The following TATDN1 variants were observed in gnomAD, a reference collection of about 807,000 sequenced individuals.
TATDN1 encodes deoxyribonuclease TATDN1.
In TATDN1, 40 loss-of-function variants were observed where a neutral mutation model predicts 46.4. That is an observed-to-expected ratio of 0.86 (90% confidence interval 0.67 to 1.12). TATDN1 has a LOEUF of 1.12. Among genes scored for constraint, TATDN1 ranks in the 50% most tolerant of loss-of-function variants. The probability of loss-of-function intolerance (pLI) is 0.00; values close to 1 mark genes in which losing one functional copy is unlikely to be tolerated. For synonymous variants in TATDN1, 95 were observed against 105.6 expected (o/e 0.90, Z 0.62); for missense variants, 326 against 348.4 (o/e 0.94, Z 0.51).
At chr8:124,525,459 T>C (rs1239626176) in intron 1 of TATDN1, among the ~76,000 whole-genome samples, 1 of 152,098 alleles carries the variant, frequency 6.6e-6, no homozygotes, top group African/African-American at 2.4e-5. Context: ...TCTTAGTAAA[T>C]TCTTGTACCC....
At chr8:124,491,750 T>G (rs1563639662) in intron 11 of TATDN1, 1 of 152,170 alleles carries the variant, frequency 6.6e-6, no homozygotes, top group Non-Finnish European at 1.5e-5. Flanking sequence ...AATGTATATC[T>G]AAAAGACCTC....
At chr8:124,534,004 G>A (rs1441644198) in intron 1 of TATDN1, among the ~76,000 whole-genome samples, 1 of 151,756 alleles carries the variant, frequency 6.6e-6, no homozygotes, top group Non-Finnish European at 1.5e-5. Context: ...AAATTAGCCG[G>A]GCGTGGTAGT....
intron 8 of TATDN1, among the ~76,000 whole-genome samples, chr8:124,506,334 C>CAAAAAAAAAA (rs56023168): frequency 5.7e-5 from 3 of 52,518 alleles, no homozygotes; most frequent in Non-Finnish European, 7.3e-5. Flanking sequence ...GGCTCTGTCT[C>CAAAAAAAAAA]AAAAAAAAAA....
chr8:124,493,658 T>C, intron 11 of TATDN1, 175 bp downstream of exon 11: 1 of 614,020 alleles, frequency 1.6e-6, no homozygotes, highest in East Asian at 3.0e-5. Context: ...GCAGTGAGAA[T>C]GGAACTTAAA....
At chr8:124,510,593 G>A (rs1818921559) in intron 6 of TATDN1, among the ~76,000 whole-genome samples, 1 of 152,190 alleles carries the variant, frequency 6.6e-6, no homozygotes, top group Admixed American at 6.5e-5. Context: ...GGAGGCTGAG[G>A]TGGGTGGATT....
chr8:124,488,663 A>T lies in TATDN1; in HGVS notation c.825T>A (p.Asp275Glu). 2 of 1,607,294 alleles carry T rather than the reference A, an allele frequency of 1.2e-6. No individual in the cohort carries two copies. The highest frequency in any genetic ancestry group is 1.7e-6 in the Non-Finnish European group (2 of 1,174,502). Residue 275 changes from aspartate (D) to glutamate (E), a missense_variant, in exon 12 of 12, where the codon GAT becomes GAA. Asp to Glu is a conservative substitution (Grantham distance 45, BLOSUM62 2). Coordinates refer to ENST00000276692, the MANE Select transcript of TATDN1 (RefSeq NM_032026.4). ...TATTGGCTAATTCCAGTGGATCCTC[A>T]TCTCTCACTGCTGACATTATCTCCA... ...QILEIMSAVR[D>E]EDPLELANTL...
Position 124,522,970 on chromosome 8 carries a change from T to C in TATDN1, c.55A>G (p.Arg19Gly). ...TTTTGAACCCCCCTATAAATTCCTC[T>C]GAACATAGGGTCAGTCAAGTTGATA... ...IGINLTDPMF[R>G]GIYRGVQKHQ... Residue 19 changes from arginine to glycine, a missense_variant, in exon 2 of 12, where the codon AGA becomes GGA. Physicochemically the swap from Arg to Gly is moderately radical, Grantham distance 125. Coordinates refer to ENST00000276692, the MANE Select transcript of TATDN1 (RefSeq NM_032026.4). 6.2e-7 allele frequency: 1 copy of C among 1,613,412 alleles called. No individual in the cohort carries two copies. The highest frequency in any genetic ancestry group is 8.5e-7 in the Non-Finnish European group (1 of 1,179,722).
intron 1 of TATDN1, chr8:124,526,519 C>G (rs114517374): frequency 1.1e-4 from 16 of 152,262 alleles, no homozygotes; most frequent in African/African-American, 3.6e-4. Flanking sequence ...GGAACAAAAA[C>G]AAGGCAAAGT....
chr8:124,515,240 G>C (rs181816068), intron 6 of TATDN1, among the ~76,000 whole-genome samples: 2,926 of 152,204 alleles, frequency 0.019, 51 homozygotes, highest in Non-Finnish European at 0.024. Context: ...AATTAGCCGG[G>C]CATGGTGGCA....
intron 1 of TATDN1, among the ~76,000 whole-genome samples, chr8:124,531,179 T>G (rs1820920019): frequency 6.6e-6 from 1 of 152,058 alleles, no homozygotes. Context: ...AACAAGCCCC[T>G]GGCAATAAGC....
At chr8:124,515,629 A>C in intron 6 of TATDN1, 117 bp downstream of exon 6, 1 of 984,924 alleles carries the variant, frequency 1.0e-6, no homozygotes. Context: ...TTGATATACA[A>C]AGGGAAAAAC....
chr8:124,526,233 C>T (rs1218627028), intron 1 of TATDN1, among the ~76,000 whole-genome samples: 1 of 152,198 alleles, frequency 6.6e-6, no homozygotes, highest in Non-Finnish European at 1.5e-5. Context: ...TGGAGCACTC[C>T]CCAAGGCAAC....
At chr8:124,527,383 CG>C (rs1563686866) in intron 1 of TATDN1, among the ~76,000 whole-genome samples, 1 of 152,054 alleles carries the variant, frequency 6.6e-6, no homozygotes, top group African/African-American at 2.4e-5. Context: ...GGAAGGAATG[CG>C]CGGTGAAACT....
At chr8:124,520,799 C>T (rs1235046573) in intron 3 of TATDN1, among the ~76,000 whole-genome samples, 2 of 151,576 alleles carry the variant, frequency 1.3e-5, no homozygotes, top group African/African-American at 4.9e-5. Flanking sequence ...AAAAATTAGC[C>T]GGGTGTGGTG....
chr8:124,529,458 T>C (rs1586673966), intron 1 of TATDN1, among the ~76,000 whole-genome samples: 1 of 152,182 alleles, frequency 6.6e-6, no homozygotes, highest in East Asian at 1.9e-4. Context: ...TACGGGGGGT[T>C]ACAAAATATC....
chr8:124,539,055 A>G lies in TATDN1; in HGVS notation c.-9T>C. ...AACTTGAAGCGACTCATGACTGCGC[A>G]TGGAGGACCTCCCCAGCGGAAGCGG... On this transcript the variant is annotated 5_prime_UTR_variant, in exon 1 of 12. An upstream start codon of the reference 5' UTR is lost. Coordinates refer to ENST00000276692, the MANE Select transcript of TATDN1 (RefSeq NM_032026.4). The G allele has an allele frequency of 3.1e-6, 5 of 1,613,160 alleles. No individual in the cohort carries two copies. The highest frequency in any genetic ancestry group is 4.2e-6 in the Non-Finnish European group (5 of 1,179,140).
chr8:124,502,159 CCT>C (rs1485628360), intron 9 of TATDN1, among the ~76,000 whole-genome samples: 1 of 151,904 alleles, frequency 6.6e-6, no homozygotes, highest in Non-Finnish European at 1.5e-5. Context: ...ACAGTGAATC[CCT>C]GTCTCTACTA....
At chr8:124,528,454 T>C (rs1209779345) in intron 1 of TATDN1, among the ~76,000 whole-genome samples, 1 of 152,116 alleles carries the variant, frequency 6.6e-6, no homozygotes, top group Non-Finnish European at 1.5e-5. Context: ...ATCACAGGGG[T>C]GAGCCACTGC....
intron 11 of TATDN1, among the ~76,000 whole-genome samples, chr8:124,492,152 T>G (rs1174548941): frequency 6.6e-6 from 1 of 152,106 alleles, no homozygotes; most frequent in Non-Finnish European, 1.5e-5. Flanking sequence ...TTTTTGTATT[T>G]TTAGTAGAGA....
Sources: gnomAD v4.1 joint callset for allele counts (sites outside exome capture counted in the v4.1 genomes callset) on GRCh38, gnomAD v4.1.1 for gene constraint, MANE v1.5 for transcripts, NCBI Gene and HGNC (gene_info 2026-07-23, HGNC 2026-07-21) for gene names.